CAST: variants seen among roughly 807,000 people sequenced by gnomAD.
CAST encodes MIR583 host.
CAST carries 76 observed loss-of-function variants against 119.6 expected under a neutral mutation model. The observed-to-expected ratio is 0.64, with a 90% CI of 0.53 to 0.77. The LOEUF is 0.77. Ranked by LOEUF, CAST falls within the 30% of genes least tolerant of loss-of-function variation. The pLI is 0.00. For missense variants in CAST, 953 were observed against 946.5 expected (o/e 1.01, Z -0.09); for synonymous variants, 319 against 331.6 (o/e 0.96, Z 0.41).
At chr5:96,438,833 A>G in the CAST span, among the ~76,000 whole-genome samples, 1 of 152,152 alleles carries the variant, frequency 6.6e-6, no homozygotes, top group Non-Finnish European at 1.5e-5. Flanking sequence ...ATGTAGTAAT[A>G]CTCTCCAAAT....
chr5:96,068,818 T>C, the CAST span, among the ~76,000 whole-genome samples: 677 of 151,392 alleles, frequency 4.5e-3, 6 homozygotes, highest in African/African-American at 0.014. Flanking sequence ...ATATTTTATA[T>C]ATACACACAC....
At chr5:95,991,985 T>C in the CAST span, among the ~76,000 whole-genome samples, 1 of 152,184 alleles carries the variant, frequency 6.6e-6, no homozygotes, top group African/African-American at 2.4e-5. Context: ...TTTAAAAAAG[T>C]ATTTGAGGCA....
At chr5:96,155,651 T>G in the CAST span, among the ~76,000 whole-genome samples, 4 of 152,178 alleles carry the variant, frequency 2.6e-5, no homozygotes, top group African/African-American at 7.2e-5. Flanking sequence ...CTCACCTTCC[T>G]CTGAGGTGCT....
intron 2 of CAST, 117 bp downstream of exon 2, chr5:96,675,718 T>G (rs1750622953): frequency 1.4e-6 from 1 of 714,724 alleles, no homozygotes; most frequent in African/African-American, 1.8e-5. Context: ...ATTGGGAAAT[T>G]TTGATTTAAC....
intron 1 of CAST, among the ~76,000 whole-genome samples, chr5:96,575,105 T>C (rs1241514824): frequency 1.3e-5 from 2 of 152,182 alleles, no homozygotes; most frequent in East Asian, 3.8e-4. Context: ...TTTATAATTT[T>C]CAAGATATAG....
chr5:96,490,344 A>ATG, the CAST span, among the ~76,000 whole-genome samples: 5 of 111,188 alleles, frequency 4.5e-5, no homozygotes, highest in Admixed American at 1.9e-4. Context: ...TTGTGTGTAT[A>ATG]TGTGTGTGTC....
At chr5:96,083,788 A>G in the CAST span, among the ~76,000 whole-genome samples, 1 of 152,216 alleles carries the variant, frequency 6.6e-6, no homozygotes, top group Non-Finnish European at 1.5e-5. Flanking sequence ...CAGCTGCTGC[A>G]GATGAAAATA....
At chr5:96,054,540 A>G in the CAST span, among the ~76,000 whole-genome samples, 2 of 152,148 alleles carry the variant, frequency 1.3e-5, no homozygotes, top group Non-Finnish European at 2.9e-5. Flanking sequence ...GAAAAGCCAC[A>G]TTTGGTAGGT....
the CAST span, among the ~76,000 whole-genome samples, chr5:96,119,352 GT>G: frequency 6.6e-6 from 1 of 152,080 alleles, no homozygotes; most frequent in African/African-American, 2.4e-5. Context: ...AAACCCCAAA[GT>G]TTCCAGCATT....
chr5:96,382,119 G>A, the CAST span, among the ~76,000 whole-genome samples: 6 of 152,156 alleles, frequency 3.9e-5, no homozygotes, highest in African/African-American at 1.4e-4. Context: ...TTTCACTGCT[G>A]CTATTCTAAT....
At chr5:96,583,132 CA>C (rs1220088579) in intron 1 of CAST, among the ~76,000 whole-genome samples, 1 of 151,872 alleles carries the variant, frequency 6.6e-6, no homozygotes, top group African/African-American at 2.4e-5. Flanking sequence ...CAGAACGCCC[CA>C]CCTTAAAAAA....
chr5:96,208,210 T>A, the CAST span, among the ~76,000 whole-genome samples: 2 of 150,778 alleles, frequency 1.3e-5, no homozygotes, highest in Non-Finnish European at 3.0e-5. Flanking sequence ...ATCTTCTCCC[T>A]TTTTTTTTCC....
intron 1 of CAST, among the ~76,000 whole-genome samples, chr5:96,544,466 T>C (rs1272201435): frequency 6.6e-6 from 1 of 152,202 alleles, no homozygotes; most frequent in African/African-American, 2.4e-5. Flanking sequence ...TGATGATGAC[T>C]CTTTGGGATT....
At chr5:96,025,964 G>A in the CAST span, among the ~76,000 whole-genome samples, 1 of 152,208 alleles carries the variant, frequency 6.6e-6, no homozygotes, top group Non-Finnish European at 1.5e-5. Flanking sequence ...AGGGTGTGGT[G>A]GCTCATGCCT....
chr5:96,025,173 G>T, the CAST span, among the ~76,000 whole-genome samples: 1 of 152,188 alleles, frequency 6.6e-6, no homozygotes, highest in Admixed American at 6.5e-5. Flanking sequence ...CGTAGGCTAG[G>T]GGGGTTTAAA....
At chr5:96,315,296 G>A in the CAST span, among the ~76,000 whole-genome samples, 5 of 152,168 alleles carry the variant, frequency 3.3e-5, no homozygotes, top group African/African-American at 9.7e-5. Flanking sequence ...TGAAGTTCAA[G>A]TTTAACTACA....
At chr5:96,092,546 G>A in the CAST span, among the ~76,000 whole-genome samples, 2 of 152,240 alleles carry the variant, frequency 1.3e-5, no homozygotes, top group South Asian at 4.2e-4. Flanking sequence ...AATTTAAGAT[G>A]GGCCATTACT....
chr5:96,233,275 C>G, the CAST span, among the ~76,000 whole-genome samples: 2 of 151,956 alleles, frequency 1.3e-5, no homozygotes, highest in Non-Finnish European at 2.9e-5. Flanking sequence ...AATTGATTCC[C>G]TAAAACTTCA....
the CAST span, among the ~76,000 whole-genome samples, chr5:95,996,060 A>G: frequency 6.6e-6 from 1 of 152,320 alleles, no homozygotes; most frequent in Admixed American, 6.5e-5. Context: ...AAGGCAGCAT[A>G]GAAACTAAAA....
Sources: gnomAD v4.1 joint callset for allele counts (sites outside exome capture counted in the v4.1 genomes callset) on GRCh38, gnomAD v4.1.1 for gene constraint, MANE v1.5 for transcripts, NCBI Gene and HGNC (gene_info 2026-07-23, HGNC 2026-07-21) for gene names.